The following SLC9A9 variants were observed in gnomAD, a reference collection of about 807,000 sequenced individuals.
SLC9A9 encodes the protein solute carrier family 9 member A9.
In SLC9A9, 62 loss-of-function variants were observed where a neutral mutation model predicts 77.8. The observed-to-expected ratio is 0.80, with a 90% CI of 0.65 to 0.98. The LOEUF (loss-of-function observed/expected upper bound fraction) is 0.98, where lower values mean the gene tolerates loss of function less well. Ranked by LOEUF, SLC9A9 falls within the 50% of genes least tolerant of loss-of-function variation. The probability of loss-of-function intolerance (pLI) is 0.00; values close to 1 mark genes in which losing one functional copy is unlikely to be tolerated. For synonymous variants in SLC9A9, 320 were observed against 283.5 expected (o/e 1.13, Z -1.29); for missense variants, 775 against 774.9 (o/e 1.00, Z 0.00).
chr3:143,443,025 T>G (rs369403029), intron 12 of SLC9A9, among the ~76,000 whole-genome samples: 21 of 152,302 alleles, frequency 1.4e-4, no homozygotes, highest in African/African-American at 5.1e-4. Flanking sequence ...CTACATAAAG[T>G]ATGACTAAGG....
chr3:143,736,811 CCAGTAATGAGA>C (rs986626871), intron 4 of SLC9A9, among the ~76,000 whole-genome samples: 11 of 152,134 alleles, frequency 7.2e-5, no homozygotes, highest in African/African-American at 1.2e-4. Flanking sequence ...TGATAATGGG[CCAGTAATGAGA>C]TGACTCTCCT....
Position 143,420,626 on chromosome 3 carries a change from T to C in SLC9A9, c.1470-38512A>G, listed in dbSNP as rs537993335. 7.9e-5 allele frequency among the ~76,000 whole-genome samples: 12 copies of C among 152,364 alleles called. No individual in the cohort carries two copies. In the South Asian group the frequency reaches 1.2e-3, roughly 16 times the overall value. On this transcript the variant is annotated intron_variant, in intron 12 of 15. Transcript: ENST00000316549. Reference sequence around the variant, plus strand: ...TTATTACTATTATTATTATGTAATATTCTGGTGAGAAGAAAGGTGAGGGAA... The same window carrying C: ...TTATTACTATTATTATTATGTAATACTCTGGTGAGAAGAAAGGTGAGGGAA...
intron 9 of SLC9A9, among the ~76,000 whole-genome samples, chr3:143,508,004 A>G (rs1272055792): frequency 6.6e-6 from 1 of 152,204 alleles, no homozygotes; most frequent in East Asian, 1.9e-4. Context: ...TCCAAATACC[A>G]TTAAATTGGG....
chr3:143,269,435 G>GT (rs1937837363), intron 14 of SLC9A9, among the ~76,000 whole-genome samples: 1 of 152,166 alleles, frequency 6.6e-6, no homozygotes, highest in South Asian at 2.1e-4. Context: ...AACATAGATT[G>GT]TTTTCCAAAA....
At chr3:143,622,853 T>C (rs2038245949) in intron 6 of SLC9A9, among the ~76,000 whole-genome samples, 1 of 152,182 alleles carries the variant, frequency 6.6e-6, no homozygotes, top group Admixed American at 6.5e-5. Context: ...ATCAATGTGC[T>C]GTATTCAGGA....
chr3:143,404,335 A>G (rs969480468), intron 12 of SLC9A9, among the ~76,000 whole-genome samples: 1 of 151,242 alleles, frequency 6.6e-6, no homozygotes, highest in Non-Finnish European at 1.5e-5. Context: ...CACCACACCT[A>G]ATTTTTTTGT....
intron 12 of SLC9A9, among the ~76,000 whole-genome samples, chr3:143,407,420 G>A (rs1559902572): frequency 6.6e-6 from 1 of 151,952 alleles, no homozygotes; most frequent in Non-Finnish European, 1.5e-5. Flanking sequence ...AAGAATCTAT[G>A]CATCTGTAAT....
At chr3:143,531,538 T>C (rs2036510750) in intron 9 of SLC9A9, among the ~76,000 whole-genome samples, 1 of 152,174 alleles carries the variant, frequency 6.6e-6, no homozygotes, top group South Asian at 2.1e-4. Flanking sequence ...TAAAAACCTT[T>C]AGGAAGAAGG....
intron 4 of SLC9A9, among the ~76,000 whole-genome samples, chr3:143,702,026 G>T (rs958396557): frequency 1.3e-5 from 2 of 152,102 alleles, no homozygotes; most frequent in Admixed American, 1.3e-4. Context: ...TTAAAGTGCT[G>T]AAGGAAAGAA....
chr3:143,482,971 G>A (rs1170011396), intron 11 of SLC9A9, among the ~76,000 whole-genome samples: 1 of 152,196 alleles, frequency 6.6e-6, no homozygotes, highest in Non-Finnish European at 1.5e-5. Context: ...TTTGTGCTGA[G>A]TGTCACACGA....
intron 5 of SLC9A9, among the ~76,000 whole-genome samples, chr3:143,658,347 G>A (rs1384467621): frequency 6.6e-6 from 1 of 152,176 alleles, no homozygotes; most frequent in African/African-American, 2.4e-5. Flanking sequence ...GCACATCCTT[G>A]AGAGAAATGA....
At chr3:143,708,317 A>C (rs1934048434) in intron 4 of SLC9A9, among the ~76,000 whole-genome samples, 1 of 152,086 alleles carries the variant, frequency 6.6e-6, no homozygotes, top group Non-Finnish European at 1.5e-5. Context: ...CCCAGGGGAG[A>C]AGAATGAGAG....
chr3:143,534,218 A>T (rs1024556070), intron 9 of SLC9A9, among the ~76,000 whole-genome samples: 19 of 152,212 alleles, frequency 1.2e-4, no homozygotes, highest in African/African-American at 4.6e-4. Context: ...ATAAAAAAGG[A>T]TGCTTTGGTG....
intron 12 of SLC9A9, among the ~76,000 whole-genome samples, chr3:143,388,230 T>A (rs1224890808): frequency 2.0e-5 from 3 of 152,178 alleles, no homozygotes; most frequent in Non-Finnish European, 4.4e-5. Context: ...CCCTGTATTA[T>A]TTGACTAAAT....
rs886163214 is a variant in SLC9A9 at position 143,836,542 on chromosome 3, A to G, written c.176-4321T>C. Among the ~76,000 whole-genome samples, 10 of 152,350 alleles carry G rather than the reference A, an allele frequency of 6.6e-5. No homozygotes were observed. The East Asian group carries it at 1.7e-3, about 26-fold the overall frequency. On this transcript the variant is annotated intron_variant, in intron 1 of 15. Transcript: ENST00000316549. The stretch of plus-strand genomic sequence containing the variant: ...AGTCCCTGTCCTTGCAGAGTGTTCA[A>G]CATAACTCTTATATAGCACATGCAT...
chr3:143,340,681 T>C (rs1244755349), intron 14 of SLC9A9, among the ~76,000 whole-genome samples: 1 of 152,200 alleles, frequency 6.6e-6, no homozygotes, highest in Admixed American at 6.5e-5. Flanking sequence ...TGCAATCATA[T>C]TGAGTTTTTG....
At chr3:143,789,974 C>A (rs1467124956) in intron 4 of SLC9A9, among the ~76,000 whole-genome samples, 1 of 152,176 alleles carries the variant, frequency 6.6e-6, no homozygotes, top group Non-Finnish European at 1.5e-5. Context: ...TGTGTCCCTA[C>A]CCCAAATCTC....
intron 14 of SLC9A9, among the ~76,000 whole-genome samples, chr3:143,289,719 T>G (rs888122205): frequency 3.3e-5 from 5 of 152,182 alleles, no homozygotes; most frequent in Admixed American, 3.3e-4. Context: ...ATCCCACAGC[T>G]GCTGCCAGCA....
chr3:143,770,681 C>A (rs946285765), intron 4 of SLC9A9, among the ~76,000 whole-genome samples: 1 of 151,930 alleles, frequency 6.6e-6, no homozygotes, highest in Non-Finnish European at 1.5e-5. Context: ...AAGATCTAAA[C>A]CCTGCAAAAC....
Sources: allele counts gnomAD v4.1 joint callset (sites outside exome capture counted in the v4.1 genomes callset), GRCh38; gene constraint gnomAD v4.1.1; transcripts MANE v1.5; gene names NCBI Gene and HGNC (gene_info 2026-07-23, HGNC 2026-07-21).